ADAMTSL1: variants seen among roughly 807,000 people sequenced by gnomAD.
ADAMTSL1 encodes ADAMTS like 1.
In ADAMTSL1, 126 loss-of-function variants were observed where a neutral mutation model predicts 201.8. The ratio of observed to expected loss-of-function variants is 0.62; its 90% CI spans 0.54 to 0.72. The LOEUF (loss-of-function observed/expected upper bound fraction) is 0.72, where lower values mean the gene tolerates loss of function less well. ADAMTSL1 is among the 30% of genes least tolerant of loss of function. ADAMTSL1 has a pLI of 0.00. For missense variants in ADAMTSL1, 2,679 were observed against 2,277.8 expected (o/e 1.18, Z -3.59); for synonymous variants, 1,121 against 903.4 (o/e 1.24, Z -4.32).
intron 2 of ADAMTSL1, among the ~76,000 whole-genome samples, chr9:18,521,021 A>G (rs1818660004): frequency 6.6e-6 from 1 of 152,148 alleles, no homozygotes; most frequent in Non-Finnish European, 1.5e-5. Flanking sequence ...ACTGGTGGTT[A>G]TATGTACAGG....
intron 1 of ADAMTSL1, among the ~76,000 whole-genome samples, chr9:18,032,551 A>G (rs989222833): frequency 6.6e-6 from 1 of 152,126 alleles, no homozygotes. Flanking sequence ...CCTTAGTACC[A>G]TGGGAGAGGT....
intron 4 of ADAMTSL1, among the ~76,000 whole-genome samples, chr9:18,587,693 G>T (rs1823600114): frequency 6.6e-6 from 1 of 152,096 alleles, no homozygotes; most frequent in Middle Eastern, 3.4e-3. Context: ...ATCTCAAACA[G>T]ATCCACTTTT....
chr9:18,026,900 C>G (rs1380936075), intron 1 of ADAMTSL1, among the ~76,000 whole-genome samples: 2 of 151,920 alleles, frequency 1.3e-5, no homozygotes, highest in Non-Finnish European at 2.9e-5. Context: ...ATTGATTGGT[C>G]TGCTCAGGGT....
At chr9:17,962,881 G>T (rs941294884) in intron 1 of ADAMTSL1, among the ~76,000 whole-genome samples, 4 of 152,198 alleles carry the variant, frequency 2.6e-5, no homozygotes, top group African/African-American at 9.6e-5. Context: ...TGGCCTTGTT[G>T]CCAAGTTTCC....
At chr9:18,678,524 A>G (rs994769806) in intron 10 of ADAMTSL1, among the ~76,000 whole-genome samples, 1 of 152,280 alleles carries the variant, frequency 6.6e-6, no homozygotes, top group Middle Eastern at 3.4e-3. Flanking sequence ...TCTTTCTATG[A>G]TCACTGACAT....
chr9:18,264,938 T>C (rs1438235947), intron 2 of ADAMTSL1, among the ~76,000 whole-genome samples: 1 of 152,164 alleles, frequency 6.6e-6, no homozygotes, highest in Non-Finnish European at 1.5e-5. Context: ...TAAATAATGA[T>C]AGTATGTTTT....
chr9:18,570,868 C>T (rs920099267), intron 3 of ADAMTSL1, among the ~76,000 whole-genome samples: 1 of 152,154 alleles, frequency 6.6e-6, no homozygotes, highest in Non-Finnish European at 1.5e-5. Context: ...TCTTCTCAGA[C>T]CTATTTCTCT....
intron 2 of ADAMTSL1, among the ~76,000 whole-genome samples, chr9:18,225,909 A>T (rs1311678269): frequency 1.3e-5 from 2 of 152,016 alleles, no homozygotes; most frequent in African/African-American, 4.8e-5. Context: ...CCTGTATTTC[A>T]GTTTTTCTTA....
chr9:18,093,947 T>A (rs1352020928), intron 1 of ADAMTSL1, among the ~76,000 whole-genome samples: 1 of 152,078 alleles, frequency 6.6e-6, no homozygotes, highest in African/African-American at 2.4e-5. Context: ...GGCAGGTCAT[T>A]ATAAGTCAAG....
At chr9:18,207,971 C>T (rs1011761792) in intron 2 of ADAMTSL1, among the ~76,000 whole-genome samples, 2 of 152,056 alleles carry the variant, frequency 1.3e-5, no homozygotes, top group African/African-American at 2.4e-5. Flanking sequence ...TTTGGAAGTT[C>T]ACAGACAGCA....
chr9:18,187,449 G>C (rs1045580151), intron 2 of ADAMTSL1, among the ~76,000 whole-genome samples: 1 of 151,934 alleles, frequency 6.6e-6, no homozygotes, highest in East Asian at 1.9e-4. Flanking sequence ...AGATCTAAAG[G>C]GCTTAAATAC....
rs149727515 is a variant in ADAMTSL1, at chr9:18,864,421, A to G, written c.4250-23410A>G. Among the ~76,000 whole-genome samples the G allele has an allele frequency of 3.0e-4, 46 of 152,322 alleles. No homozygotes were observed. The East Asian group carries it at 8.7e-3, about 29-fold the overall frequency. ...ATGAATGCCTGAGCTGGCTTGATCT[A>G]TCCTACAAGGAAGCCCACAAATTAA... On this transcript the variant is annotated intron_variant, in intron 23 of 28. Transcript: ENST00000380548.
At chr9:18,655,468 T>A (rs899767557) in intron 7 of ADAMTSL1, among the ~76,000 whole-genome samples, 2 of 152,090 alleles carry the variant, frequency 1.3e-5, no homozygotes, top group Admixed American at 6.5e-5. Context: ...TGTGTTTAGC[T>A]CCCTAAACCA....
At chr9:17,996,542 A>G (rs1177823160) in intron 1 of ADAMTSL1, among the ~76,000 whole-genome samples, 1 of 152,106 alleles carries the variant, frequency 6.6e-6, no homozygotes, top group Non-Finnish European at 1.5e-5. Flanking sequence ...ACTTTACAAC[A>G]CACTGCATTA....
At chr9:17,986,825 G>A (rs1818946824) in intron 1 of ADAMTSL1, among the ~76,000 whole-genome samples, 1 of 152,054 alleles carries the variant, frequency 6.6e-6, no homozygotes, top group Non-Finnish European at 1.5e-5. Context: ...TGTTGACTAG[G>A]TGCAAACATT....
chr9:18,414,613 G>C (rs1818593728), intron 2 of ADAMTSL1, among the ~76,000 whole-genome samples: 1 of 152,158 alleles, frequency 6.6e-6, no homozygotes, highest in South Asian at 2.1e-4. Flanking sequence ...TTCCTTGAGA[G>C]AGTTTTCAGG....
At chr9:18,360,891 C>T (rs1211985570) in intron 2 of ADAMTSL1, among the ~76,000 whole-genome samples, 1 of 152,072 alleles carries the variant, frequency 6.6e-6, no homozygotes, top group African/African-American at 2.4e-5. Flanking sequence ...TCCAAAACAA[C>T]CATTTTTAAG....
At chr9:18,817,521 G>T (rs568768475) in intron 21 of ADAMTSL1, among the ~76,000 whole-genome samples, 1 of 152,294 alleles carries the variant, frequency 6.6e-6, no homozygotes, top group Admixed American at 6.5e-5. Flanking sequence ...CAAAGATGGG[G>T]GCAAGGAGTT....
chr9:18,138,610 C>T (rs977595732), intron 1 of ADAMTSL1, among the ~76,000 whole-genome samples: 7 of 152,088 alleles, frequency 4.6e-5, no homozygotes, highest in African/African-American at 1.4e-4. Flanking sequence ...TTTGAAAACA[C>T]GTTTTCGTAG....
Sources: allele counts gnomAD v4.1 joint callset (sites outside exome capture counted in the v4.1 genomes callset), GRCh38; gene constraint gnomAD v4.1.1; transcripts MANE v1.5; gene names NCBI Gene and HGNC (gene_info 2026-07-23, HGNC 2026-07-21).